Variants in GRK5 observed in about 807,000 individuals in gnomAD.
The protein encoded by GRK5 is g protein-coupled receptor kinase GRK5.
A neutral mutation model predicts 78.4 loss-of-function variants in GRK5; 40 were observed. The observed-to-expected ratio is 0.51, with a 90% CI of 0.40 to 0.66. The LOEUF is 0.66. Ranked by LOEUF, GRK5 falls within the 30% of genes least tolerant of loss-of-function variation. GRK5 has a pLI of 0.00. For synonymous variants in GRK5, 289 were observed against 296.8 expected (o/e 0.97, Z 0.27); for missense variants, 598 against 759.9 (o/e 0.79, Z 2.50).
intron 1 of GRK5, among the ~76,000 whole-genome samples, chr10:119,225,769 C>G (rs1217292924): frequency 6.6e-6 from 1 of 150,524 alleles, no homozygotes; most frequent in Non-Finnish European, 1.5e-5. Flanking sequence ...CTCCTGGGTT[C>G]AAGCAATTCT....
At chr10:119,350,785 C>G (rs917574920) in intron 2 of GRK5, among the ~76,000 whole-genome samples, 1 of 152,206 alleles carries the variant, frequency 6.6e-6, no homozygotes, top group Non-Finnish European at 1.5e-5. Flanking sequence ...TTGCAGACTC[C>G]TCTGTTGACA....
chr10:119,359,065 G>A (rs780766710), intron 2 of GRK5, among the ~76,000 whole-genome samples: 16 of 152,124 alleles, frequency 1.1e-4, no homozygotes, highest in Non-Finnish European at 2.2e-4. Context: ...ATGAATTTGG[G>A]GACAACACAG....
At chr10:119,355,021 A>G (rs1226482592) in intron 2 of GRK5, among the ~76,000 whole-genome samples, 1 of 152,166 alleles carries the variant, frequency 6.6e-6, no homozygotes, top group Non-Finnish European at 1.5e-5. Flanking sequence ...AACCAATGTA[A>G]TTCTCCTGTA....
chr10:119,453,302 C>G (rs1172117711), intron 15 of GRK5, 26 bp downstream of exon 15: 4 of 1,613,142 alleles, frequency 2.5e-6, no homozygotes, highest in Non-Finnish European at 3.4e-6. Flanking sequence ...CTGGCCAGTC[C>G]TGGCATCAGC....
intron 1 of GRK5, among the ~76,000 whole-genome samples, chr10:119,233,827 G>A (rs1848874626): frequency 6.6e-6 from 1 of 152,140 alleles, no homozygotes; most frequent in South Asian, 2.1e-4. Context: ...TTTGATATTT[G>A]CCACAAAGAA....
intron 12 of GRK5, among the ~76,000 whole-genome samples, chr10:119,446,869 T>C (rs1454601124): frequency 6.6e-6 from 1 of 152,212 alleles, no homozygotes; most frequent in African/African-American, 2.4e-5. Context: ...GCCGGTGCAG[T>C]GCCTGCCCCA....
intron 9 of GRK5, among the ~76,000 whole-genome samples, chr10:119,438,524 T>C (rs2133903033): frequency 6.7e-6 from 1 of 149,644 alleles, no homozygotes; most frequent in Middle Eastern, 3.4e-3. Context: ...TTTGTTTTCA[T>C]TCAAATGAAA....
rs1262293030 is a variant in GRK5 at position 119,267,444 on chromosome 10, G to A, written c.53-59072G>A. The stretch of plus-strand genomic sequence containing the variant: ...CTGCTGTCAGATTGCCCGTCTGGGA[G>A]CTGGGGTCATACTTGTGGGGTCATA... On this transcript the variant is annotated intron_variant, in intron 1 of 15. Transcript: ENST00000392870. This position sits in a 1 kb window ranked among gnomAD's most constrained non-coding sequence, Gnocchi z 4.1. 6.6e-6 allele frequency among the ~76,000 whole-genome samples: 1 copy of A among 152,134 alleles called. No individual in the cohort carries two copies. Among genetic ancestry groups the A allele is most frequent in the Non-Finnish European group, 1.5e-5 (1 of 68,016 alleles).
chr10:119,399,618 G>A (rs1161631588), intron 4 of GRK5, among the ~76,000 whole-genome samples: 3 of 152,236 alleles, frequency 2.0e-5, no homozygotes, highest in African/African-American at 7.2e-5. Flanking sequence ...GGGCAGCACT[G>A]TAATACCATG....
At chr10:119,229,247 C>T (rs2133722516) in intron 1 of GRK5, among the ~76,000 whole-genome samples, 1 of 152,190 alleles carries the variant, frequency 6.6e-6, no homozygotes, top group South Asian at 2.1e-4. Flanking sequence ...CCCTCCAAGG[C>T]ATTGGCTTTG....
At chr10:119,418,905 C>T (rs1349078007) in intron 4 of GRK5, among the ~76,000 whole-genome samples, 1 of 152,136 alleles carries the variant, frequency 6.6e-6, no homozygotes, top group Non-Finnish European at 1.5e-5. Flanking sequence ...TTGAGGCCCT[C>T]ACGCTTGGAT....
At chr10:119,214,016 G>A (rs1275277938) in intron 1 of GRK5, among the ~76,000 whole-genome samples, 1 of 152,040 alleles carries the variant, frequency 6.6e-6, no homozygotes, top group Admixed American at 6.6e-5. Context: ...GCTCTGTCGC[G>A]CAGGCTAGAC....
intron 2 of GRK5, among the ~76,000 whole-genome samples, chr10:119,352,170 C>A (rs780325552): frequency 6.6e-6 from 1 of 152,142 alleles, no homozygotes; most frequent in Non-Finnish European, 1.5e-5. Context: ...TAAATAAAAT[C>A]TTGAGTTAGG....
intron 4 of GRK5, among the ~76,000 whole-genome samples, chr10:119,398,430 C>T (rs1852093581): frequency 6.6e-6 from 1 of 151,834 alleles, no homozygotes; most frequent in South Asian, 2.1e-4. Context: ...TATTTACAGA[C>T]AGGCCACTGA....
intron 13 of GRK5, 33 bp downstream of exon 13, chr10:119,448,293 C>A: frequency 6.4e-7 from 1 of 1,570,102 alleles, no homozygotes. Flanking sequence ...CAGCAGCTCC[C>A]TTCACAGGGT....
chr10:119,396,990 C>A (rs904182049), intron 4 of GRK5, among the ~76,000 whole-genome samples: 1 of 152,216 alleles, frequency 6.6e-6, no homozygotes. Flanking sequence ...GGAGTAGGGG[C>A]GGGATGCCTG....
At chr10:119,315,064 C>A (rs1052615600) in intron 1 of GRK5, among the ~76,000 whole-genome samples, 2 of 152,200 alleles carry the variant, frequency 1.3e-5, no homozygotes, top group African/African-American at 4.8e-5. Context: ...CAAGAAAACT[C>A]TTGACAGAAG....
At chr10:119,344,018 G>A (rs976091422) in intron 2 of GRK5, among the ~76,000 whole-genome samples, 2 of 151,918 alleles carry the variant, frequency 1.3e-5, no homozygotes, top group Non-Finnish European at 2.9e-5. Context: ...GGAGGCAGGA[G>A]CGGCTGGAGC....
In GRK5 at chr10:119,267,033, C is replaced by G. The variant is rs780822718; in HGVS notation, c.52+59064C>G. ...CCGAGGTGCGCGGATCACCTGAGGT[C>G]GGGAGTTCTAACCAGCCTGACCAAC... On this transcript the variant is annotated intron_variant, in intron 1 of 15. Transcript: ENST00000392870. The surrounding 1 kb of genome is among the most constrained non-coding windows in gnomAD (Gnocchi z 4.1). 9.2e-5 allele frequency among the ~76,000 whole-genome samples: 14 copies of G among 151,946 alleles called. No individual in the cohort carries two copies. Among genetic ancestry groups the G allele is most frequent in the African/African-American group, 3.4e-4 (14 of 41,364 alleles).
Sources: gnomAD v4.1 joint callset for allele counts (sites outside exome capture counted in the v4.1 genomes callset) on GRCh38, gnomAD v4.1.1 for gene constraint, Gnocchi (gnomAD v3.1) non-coding constraint, MANE v1.5 for transcripts, NCBI Gene and HGNC (gene_info 2026-07-23, HGNC 2026-07-21) for gene names.